The following MSI2 variants were observed in gnomAD, a reference collection of about 807,000 sequenced individuals.
The protein encoded by MSI2 is musashi RNA binding protein 2, also known as RNA-binding protein Musashi homolog 2.
In MSI2, 17 loss-of-function variants were observed where a neutral mutation model predicts 45.6. The ratio of observed to expected loss-of-function variants is 0.37; its 90% confidence interval spans 0.26 to 0.56. The LOEUF (loss-of-function observed/expected upper bound fraction) is 0.56. MSI2 is among the 20% of genes least tolerant of loss of function. The pLI is 0.77. For missense variants in MSI2, 293 were observed against 444.2 expected (o/e 0.66, Z 3.06); for synonymous variants, 156 against 158.2 (o/e 0.99, Z 0.11).
chr17:57,479,868 C>T lies in MSI2; in HGVS notation c.406-49808C>T, dbSNP rs570444542. On this transcript the variant is annotated intron_variant, in intron 6 of 13. Transcript: ENST00000284073. ...AATTTAATTTTTACACATTGGGAGA[C>T]TGCAGCTTGTGGAGATTGAGTAATA... 2.6e-5 allele frequency among the ~76,000 whole-genome samples: 4 copies of T among 152,334 alleles called. No individual in the cohort carries two copies. The East Asian group carries it at 7.7e-4, about 29-fold the overall frequency.
intron 5 of MSI2, among the ~76,000 whole-genome samples, chr17:57,327,223 A>G (rs1054517820): frequency 6.6e-6 from 1 of 152,188 alleles, no homozygotes; most frequent in African/African-American, 2.4e-5. Context: ...GCAGCAACCT[A>G]TGATTGTGCC....
chr17:57,499,532 TA>T (rs1301176719), intron 6 of MSI2, among the ~76,000 whole-genome samples: 1 of 152,244 alleles, frequency 6.6e-6, no homozygotes, highest in East Asian at 1.9e-4. Flanking sequence ...TCTTAATATT[TA>T]CCCATCAGTT....
intron 7 of MSI2, among the ~76,000 whole-genome samples, chr17:57,573,867 AC>A (rs1219712789): frequency 6.6e-6 from 1 of 152,224 alleles, no homozygotes; most frequent in Non-Finnish European, 1.5e-5. Flanking sequence ...AACTGGGATA[AC>A]ATTACTTGCC....
At chr17:57,508,964 G>C (rs1271289865) in intron 6 of MSI2, among the ~76,000 whole-genome samples, 1 of 152,170 alleles carries the variant, frequency 6.6e-6, no homozygotes, top group Non-Finnish European at 1.5e-5. Context: ...GATGAAAAAT[G>C]GTTTCTGTGG....
At chr17:57,310,222 C>T (rs1483425058) in intron 5 of MSI2, among the ~76,000 whole-genome samples, 1 of 152,210 alleles carries the variant, frequency 6.6e-6, no homozygotes, top group African/African-American at 2.4e-5. Context: ...GACCTTGGGG[C>T]AGCTAGCACA....
intron 5 of MSI2, among the ~76,000 whole-genome samples, chr17:57,359,489 A>G (rs1916677322): frequency 6.6e-6 from 1 of 152,164 alleles, no homozygotes; most frequent in African/African-American, 2.4e-5. Context: ...CTTCAACTAT[A>G]AAATGGATGT....
intron 6 of MSI2, among the ~76,000 whole-genome samples, chr17:57,463,577 C>T (rs573948591): frequency 1.3e-5 from 2 of 152,256 alleles, no homozygotes; most frequent in South Asian, 4.2e-4. Context: ...TCCCCATGAG[C>T]ACTGCCTTCA....
intron 7 of MSI2, among the ~76,000 whole-genome samples, chr17:57,534,124 C>T (rs896598964): frequency 6.6e-6 from 1 of 152,228 alleles, no homozygotes; most frequent in Admixed American, 6.5e-5. Context: ...ATAGGTGAAC[C>T]GAGCTGCCCA....
chr17:57,273,435 A>G (rs972875215), intron 5 of MSI2, among the ~76,000 whole-genome samples: 1 of 148,242 alleles, frequency 6.7e-6, no homozygotes, highest in Non-Finnish European at 1.5e-5. Flanking sequence ...GTTAATGTCC[A>G]TACACGTCCC....
At chr17:57,413,381 A>G (rs763542043) in intron 6 of MSI2, among the ~76,000 whole-genome samples, 4 of 152,078 alleles carry the variant, frequency 2.6e-5, no homozygotes, top group Non-Finnish European at 5.9e-5. Context: ...CGCTGCTTCC[A>G]GTTTGTGGAA....
At chr17:57,458,019 TA>T (rs1439680753) in intron 6 of MSI2, among the ~76,000 whole-genome samples, 6 of 151,540 alleles carry the variant, frequency 4.0e-5, no homozygotes, top group African/African-American at 1.2e-4. Flanking sequence ...TATACATATA[TA>T]AAAATAGATA....
chr17:57,604,410 T>C (rs894002941), intron 8 of MSI2, among the ~76,000 whole-genome samples: 4 of 151,960 alleles, frequency 2.6e-5, no homozygotes, highest in Admixed American at 2.6e-4. Context: ...ATGCAAGTGG[T>C]GCGGGACCTG....
the MSI2 span, among the ~76,000 whole-genome samples, chr17:57,691,003 T>C: frequency 6.6e-6 from 1 of 152,328 alleles, no homozygotes; most frequent in Admixed American, 6.5e-5. Flanking sequence ...GGGTCTGGTT[T>C]TTCTTTTATT....
chr17:57,483,596 G>A (rs2085692738), intron 6 of MSI2, among the ~76,000 whole-genome samples: 1 of 152,172 alleles, frequency 6.6e-6, no homozygotes, highest in Non-Finnish European at 1.5e-5. Context: ...GGGCTGATGA[G>A]GGAAAGACTA....
intron 7 of MSI2, among the ~76,000 whole-genome samples, chr17:57,555,398 C>T (rs994087871): frequency 5.9e-5 from 9 of 152,194 alleles, no homozygotes; most frequent in African/African-American, 2.2e-4. Flanking sequence ...TGCTCAGGCG[C>T]CTCAGTGTGG....
chr17:57,415,409 TGAACA>T (rs2084276299), intron 6 of MSI2, among the ~76,000 whole-genome samples: 1 of 152,144 alleles, frequency 6.6e-6, no homozygotes, highest in Non-Finnish European at 1.5e-5. Context: ...GGGGTGAAGT[TGAACA>T]ATTCTCAACT....
At chr17:57,394,390 A>T (rs1049473329) in intron 5 of MSI2, among the ~76,000 whole-genome samples, 9 of 152,174 alleles carry the variant, frequency 5.9e-5, no homozygotes, top group Non-Finnish European at 1.2e-4. Context: ...GATTGACATG[A>T]GGACTAAGTC....
intron 5 of MSI2, among the ~76,000 whole-genome samples, chr17:57,321,206 C>T (rs975631908): frequency 3.9e-5 from 6 of 151,942 alleles, no homozygotes; most frequent in Non-Finnish European, 7.4e-5. Flanking sequence ...GACCAGGAGT[C>T]TCTTATTCCA....
intron 6 of MSI2, among the ~76,000 whole-genome samples, chr17:57,480,652 A>C (rs1412906013): frequency 1.3e-5 from 2 of 152,194 alleles, no homozygotes; most frequent in Admixed American, 1.3e-4. Flanking sequence ...AGCCGCAGAG[A>C]CGAGGCACTA....
Sources: gnomAD v4.1 joint callset for allele counts (sites outside exome capture counted in the v4.1 genomes callset) on GRCh38, gnomAD v4.1.1 for gene constraint, MANE v1.5 for transcripts, NCBI Gene and HGNC (gene_info 2026-07-23, HGNC 2026-07-21) for gene names.